CDC123: variants seen among roughly 807,000 people sequenced by gnomAD.
CDC123 encodes the protein translation initiation factor eIF2 assembly protein.
CDC123 carries 37 observed loss-of-function variants against 54.4 expected under a neutral mutation model. The ratio of observed to expected loss-of-function variants is 0.68; its 90% CI spans 0.52 to 0.89. CDC123 has a LOEUF of 0.89. Among genes scored for constraint, CDC123 ranks in the 40% least tolerant of loss-of-function variants. The pLI, the probability that CDC123 is intolerant of heterozygous loss-of-function variation, is 0.00. For synonymous variants in CDC123, 144 were observed against 136.8 expected (o/e 1.05, Z -0.37); for missense variants, 361 against 412.1 (o/e 0.88, Z 1.07).
chr10:12,224,107 T>TA (rs1835773072), intron 6 of CDC123, among the ~76,000 whole-genome samples: 1 of 152,068 alleles, frequency 6.6e-6, no homozygotes, highest in South Asian at 2.1e-4. Flanking sequence ...AGTGAGAACA[T>TA]ACGATGTTTG....
At chr10:12,238,399 G>A (rs1316441765) in intron 9 of CDC123, 58 bp from the exon 10 acceptor site, 17 of 1,557,800 alleles carry the variant, frequency 1.1e-5, no homozygotes, top group Non-Finnish European at 1.5e-5. Context: ...TTTTCAAAAG[G>A]AGATTTACAT....
chr10:12,216,653 T>C (rs1268870084), intron 5 of CDC123, among the ~76,000 whole-genome samples: 2 of 152,206 alleles, frequency 1.3e-5, no homozygotes, highest in South Asian at 4.1e-4. Context: ...TTCCATGTAG[T>C]GTGGATAACT....
At chr10:12,227,401 C>A (rs11598305) in intron 6 of CDC123, among the ~76,000 whole-genome samples, 42,063 of 152,078 alleles carry the variant, frequency 0.28, 7,195 homozygotes, top group Admixed American at 0.37. Flanking sequence ...CTCTTACATT[C>A]ATTGGAACGT....
chr10:12,225,160 C>T (rs1588677022), intron 6 of CDC123, among the ~76,000 whole-genome samples: 2 of 152,086 alleles, frequency 1.3e-5, no homozygotes, highest in Non-Finnish European at 2.9e-5. Context: ...TTTGGGAGGC[C>T]GAGGCAGGTG....
intron 6 of CDC123, among the ~76,000 whole-genome samples, chr10:12,218,014 G>A (rs1002369082): frequency 3.2e-4 from 48 of 151,954 alleles, no homozygotes; most frequent in African/African-American, 4.3e-4. Context: ...GCTTGAACCC[G>A]GGAGGCGGAG....
chr10:12,205,535 T>A (rs1835507607), intron 2 of CDC123, among the ~76,000 whole-genome samples: 1 of 152,204 alleles, frequency 6.6e-6, no homozygotes, highest in South Asian at 2.1e-4. Context: ...ATATTCATAT[T>A]TTGATTCTTC....
intron 10 of CDC123, among the ~76,000 whole-genome samples, chr10:12,239,613 A>G (rs1836028650): frequency 6.6e-6 from 1 of 151,762 alleles, no homozygotes; most frequent in African/African-American, 2.4e-5. Context: ...AAGCTGAGGC[A>G]CAGGAGAATC....
At chr10:12,200,996 T>C (rs1391454318) in intron 2 of CDC123, among the ~76,000 whole-genome samples, 5 of 152,090 alleles carry the variant, frequency 3.3e-5, no homozygotes, top group South Asian at 2.1e-4. Flanking sequence ...ACAAATCACA[T>C]AGGGACCCTG....
chr10:12,237,317 A>T, intron 9 of CDC123, 51 bp downstream of exon 9: 1 of 1,419,516 alleles, frequency 7.0e-7, no homozygotes, highest in Non-Finnish European at 9.3e-7. Context: ...ATACATTGTT[A>T]CTGGACCTTA....
chr10:12,201,154 T>C (rs1835434515), intron 2 of CDC123, among the ~76,000 whole-genome samples: 1 of 152,224 alleles, frequency 6.6e-6, no homozygotes, highest in South Asian at 2.1e-4. Flanking sequence ...GTCTGAATAT[T>C]GGGCAAATGA....
rs1043788425 is a variant in CDC123, at chr10:12,249,617, A to G, written c.883A>G (p.Thr295Ala). The G allele has an allele frequency of 6.2e-7, 1 of 1,614,126 alleles. No individual in the cohort carries two copies. Among genetic ancestry groups the G allele is most frequent in the Non-Finnish European group, 8.5e-7 (1 of 1,180,002 alleles). ...PAFRCTNSEV[T>A]VQPSPYLSYR... is the part of the protein sequence containing the mutation. ...TTTCCGTTGCACAAACAGTGAAGTG[A>G]CAGTCCAGCCCAGCCCCTATTTGAG... is the stretch of plus-strand genomic sequence containing the variant. The change falls in exon 12 of 13, where the codon ACA becomes GCA. Residue 295 changes from threonine (T) to alanine (A), a missense_variant. Physicochemically the swap from Thr to Ala is moderately conservative, Grantham distance 58. Coordinates refer to ENST00000281141, the MANE Select transcript of CDC123 (RefSeq NM_006023.3).
At position 12,215,798 on chromosome 10, in the gene CDC123, G is replaced by A. The variant is rs1835654762; in HGVS notation, c.296G>A (p.Gly99Asp). The A allele has an allele frequency of 3.1e-6, 5 of 1,612,096 alleles. No homozygotes were observed. Among genetic ancestry groups the A allele is most frequent in the Non-Finnish European group, 4.2e-6 (5 of 1,179,372 alleles). Residue 99 changes from glycine (G) to aspartate (D), a missense_variant, in exon 5 of 13, where the codon GGC becomes GAC. Transcript: ENST00000281141. Reference sequence around the variant, plus strand: ...CAGGAAGCTATCAATTCCCTCGGGGGCAGTGTCTTTCCTAAGCTTAATTGG... The same window carrying A: ...CAGGAAGCTATCAATTCCCTCGGGGACAGTGTCTTTCCTAAGCTTAATTGG... ...KVQEAINSLGGSVFPKLNWSA... is the reference protein window; with the variant it reads ...KVQEAINSLGDSVFPKLNWSA...
intron 1 of CDC123, 85 bp downstream of exon 1, chr10:12,196,404 C>CAGTCGCTAGA: frequency 1.3e-6 from 2 of 1,574,658 alleles, no homozygotes; most frequent in Non-Finnish European, 1.7e-6. Context: ...CAAAAAAATG[C>CAGTCGCTAGA]AGGCCTTCTA....
intron 7 of CDC123, among the ~76,000 whole-genome samples, chr10:12,231,485 T>C (rs1275429610): frequency 6.6e-6 from 1 of 151,432 alleles, no homozygotes; most frequent in Non-Finnish European, 1.5e-5. Context: ...ATTAGCTGGG[T>C]GTGGTAGTGG....
chr10:12,230,924 T>C, intron 6 of CDC123, 24 bp from the exon 7 acceptor site: 1 of 1,608,962 alleles, frequency 6.2e-7, no homozygotes, highest in African/African-American at 1.3e-5. Context: ...AAAGATTCAG[T>C]TGCCTTTTCT....
chr10:12,239,883 T>C (rs1055584602), intron 10 of CDC123, among the ~76,000 whole-genome samples: 1 of 151,190 alleles, frequency 6.6e-6, no homozygotes, highest in African/African-American at 2.4e-5. Context: ...TGGCGGGCAC[T>C]TGTAGTCCCA....
chr10:12,233,588 C>CTATA (rs773517491), intron 7 of CDC123, among the ~76,000 whole-genome samples: 18 of 150,806 alleles, frequency 1.2e-4, no homozygotes, highest in African/African-American at 4.1e-4. Context: ...CCACTGTAGC[C>CTATA]TATATATATA....
At chr10:12,204,942 G>A (rs765203588) in intron 2 of CDC123, among the ~76,000 whole-genome samples, 3 of 142,298 alleles carry the variant, frequency 2.1e-5, no homozygotes, top group Non-Finnish European at 4.5e-5. Context: ...GCAGTGAGCC[G>A]AGATCGTGCC....
At chr10:12,211,357 C>T (rs1326541247) in intron 4 of CDC123, among the ~76,000 whole-genome samples, 1 of 151,770 alleles carries the variant, frequency 6.6e-6, no homozygotes, top group Non-Finnish European at 1.5e-5. Flanking sequence ...TAAGAAGATA[C>T]TTGTTTATTT....
Sources: allele counts gnomAD v4.1 joint callset (sites outside exome capture counted in the v4.1 genomes callset), GRCh38; gene constraint gnomAD v4.1.1; transcripts MANE v1.5; gene names NCBI Gene and HGNC (gene_info 2026-07-23, HGNC 2026-07-21).